AMMECR1: variants seen among roughly 807,000 people sequenced by gnomAD.
AMMECR1 encodes the protein nuclear protein AMMECR1.
AMMECR1 carries 3 observed loss-of-function variants against 22.5 expected under a neutral mutation model. That is an observed-to-expected ratio of 0.13 (90% CI 0.06 to 0.35). The LOEUF (loss-of-function observed/expected upper bound fraction) is 0.35, where lower values mean the gene tolerates loss of function less well. Ranked by LOEUF, AMMECR1 falls within the 10% of genes least tolerant of loss-of-function variation. AMMECR1 has a pLI of 1.00. For missense variants in AMMECR1, 235 were observed against 278.7 expected (o/e 0.84, Z 1.12); for synonymous variants, 130 against 116.7 (o/e 1.11, Z -0.74).
chrX:110,390,423 AG>A (rs1343972156), intron 2 of AMMECR1, among the ~76,000 whole-genome samples: 1 of 112,504 alleles, frequency 8.9e-6, no homozygotes, highest in African/African-American at 3.2e-5. Flanking sequence ...ATTGCATAAA[AG>A]AATGACGAGA....
chrX:110,229,229 T>A (rs1283778692), intron 2 of AMMECR1, among the ~76,000 whole-genome samples: 1 of 112,212 alleles, frequency 8.9e-6, no homozygotes, highest in African/African-American at 3.3e-5. Flanking sequence ...GAAAAGGACA[T>A]TTTAACTCTT....
At chrX:110,409,326 TTA>T (rs2068625140) in intron 2 of AMMECR1, among the ~76,000 whole-genome samples, 1 of 111,390 alleles carries the variant, frequency 9.0e-6, no homozygotes, top group Admixed American at 9.5e-5. Flanking sequence ...TACAGTCCTC[TTA>T]TCTTGAGACA....
chrX:110,226,041 A>G (rs2067531064), intron 2 of AMMECR1, among the ~76,000 whole-genome samples: 1 of 111,843 alleles, frequency 8.9e-6, no homozygotes. Flanking sequence ...TCACCCCACA[A>G]TGAATCCTTC....
intron 1 of AMMECR1, among the ~76,000 whole-genome samples, chrX:110,431,307 G>GA (rs2068794351): frequency 9.8e-6 from 1 of 102,365 alleles, no homozygotes; most frequent in South Asian, 4.3e-4. Flanking sequence ...TCATGAGAAG[G>GA]AAAATGAGGG....
At chrX:110,350,520 A>G (rs966493556) in intron 2 of AMMECR1, among the ~76,000 whole-genome samples, 2 of 112,210 alleles carry the variant, frequency 1.8e-5, no homozygotes, top group Non-Finnish European at 3.8e-5. Context: ...TCTCTATTTG[A>G]AGATAGCTTG....
At chrX:110,397,438 T>C (rs1453220569) in intron 2 of AMMECR1, among the ~76,000 whole-genome samples, 1 of 109,470 alleles carries the variant, frequency 9.1e-6, no homozygotes, top group Non-Finnish European at 1.9e-5. Context: ...ACACAGGTGA[T>C]GGAAAAGCTG....
chrX:110,312,367 C>G (rs1483517063), intron 1 of AMMECR1, among the ~76,000 whole-genome samples: 3 of 112,463 alleles, frequency 2.7e-5, no homozygotes, highest in African/African-American at 9.7e-5. Context: ...AGAAAAACAA[C>G]TCATGCATGG....
At chrX:110,429,190 G>A (rs2068776735) in intron 1 of AMMECR1, among the ~76,000 whole-genome samples, 1 of 111,277 alleles carries the variant, frequency 9.0e-6, no homozygotes. Context: ...GTGTAGTCTT[G>A]CCTGTCTACT....
intron 2 of AMMECR1, among the ~76,000 whole-genome samples, chrX:110,217,204 A>T (rs190965733): frequency 1.3e-4 from 14 of 109,791 alleles, no homozygotes; most frequent in African/African-American, 4.6e-4. Context: ...ATTAAAAAAA[A>T]AACAAAGAAA....
intron 2 of AMMECR1, among the ~76,000 whole-genome samples, chrX:110,223,921 T>G (rs1347616787): frequency 8.9e-6 from 1 of 112,216 alleles, no homozygotes; most frequent in Non-Finnish European, 1.9e-5. Flanking sequence ...ACATTAGTTG[T>G]GTGACATTTG....
At chrX:110,222,074 G>C (rs1371523824) in intron 2 of AMMECR1, among the ~76,000 whole-genome samples, 3 of 108,780 alleles carry the variant, frequency 2.8e-5, no homozygotes, top group Non-Finnish European at 5.7e-5. Context: ...AATACCATTT[G>C]ACCCAGCCAT....
At chrX:110,280,984 T>C (rs1356165193) in intron 1 of AMMECR1, among the ~76,000 whole-genome samples, 1 of 112,209 alleles carries the variant, frequency 8.9e-6, no homozygotes, top group African/African-American at 3.2e-5. Context: ...TGTATGAACA[T>C]TTTTATAGCT....
intron 2 of AMMECR1, among the ~76,000 whole-genome samples, chrX:110,228,844 T>C (rs762139605): frequency 8.9e-6 from 1 of 112,282 alleles, no homozygotes; most frequent in South Asian, 3.7e-4. Flanking sequence ...TCATCCATTC[T>C]GTCCCATCAT....
chrX:110,227,006 G>A (rs967505617), intron 2 of AMMECR1, among the ~76,000 whole-genome samples: 11 of 111,407 alleles, frequency 9.9e-5, no homozygotes, highest in Middle Eastern at 4.7e-3. Context: ...CCCTTATTCC[G>A]AAGCCCTTTC....
At chrX:110,381,851 C>A (rs886538971) in intron 2 of AMMECR1, among the ~76,000 whole-genome samples, 8 of 110,560 alleles carry the variant, frequency 7.2e-5, no homozygotes, top group African/African-American at 2.0e-4. Flanking sequence ...TAAGTGGGAG[C>A]TATACCTTGG....
At chrX:110,320,141 A>G (rs2068073433), upstream of AMMECR1, among the ~76,000 whole-genome samples, 1 of 112,383 alleles carries the variant, frequency 8.9e-6, no homozygotes. Flanking sequence ...TATGAAACAA[A>G]TAACAATTCT....
At chrX:110,204,803 AC>A (rs899582160) in intron 3 of AMMECR1, among the ~76,000 whole-genome samples, 2 of 111,795 alleles carry the variant, frequency 1.8e-5, no homozygotes, top group African/African-American at 6.5e-5. Flanking sequence ...ATTGGCCAAA[AC>A]AAAAATTACT....
At chrX:110,214,869 C>G (rs1225320454) in intron 3 of AMMECR1, among the ~76,000 whole-genome samples, 1 of 111,071 alleles carries the variant, frequency 9.0e-6, no homozygotes, top group Non-Finnish European at 1.9e-5. Flanking sequence ...TACACAACAC[C>G]CTGCAATCCA....
chrX:110,386,262 G>T (rs1029552691), intron 2 of AMMECR1, among the ~76,000 whole-genome samples: 1 of 107,515 alleles, frequency 9.3e-6, no homozygotes, highest in Non-Finnish European at 1.9e-5. Flanking sequence ...TGGGAATGAT[G>T]GTTTCAATTT....
Sources: gnomAD v4.1 joint callset for allele counts (sites outside exome capture counted in the v4.1 genomes callset) on GRCh38, gnomAD v4.1.1 for gene constraint, MANE v1.5 for transcripts, NCBI Gene and HGNC (gene_info 2026-07-23, HGNC 2026-07-21) for gene names.